The following ARHGAP8 variants were observed in gnomAD, a reference collection of about 807,000 sequenced individuals.
ARHGAP8 encodes the protein Rho GTPase activating protein 8.
ARHGAP8 carries 62 observed loss-of-function variants against 46.1 expected under a neutral mutation model. The observed-to-expected ratio is 1.34, with a 90% CI of 1.10 to 1.66. The LOEUF (loss-of-function observed/expected upper bound fraction) is 1.66, where lower values mean the gene tolerates loss of function less well. Among genes scored for constraint, ARHGAP8 ranks in the 40% most tolerant of loss-of-function variants. The pLI is 0.00. For missense variants in ARHGAP8, 923 were observed against 568.4 expected, an observed-to-expected ratio of 1.62 and a Z score of -6.34; for synonymous variants, 375 against 243.1, an observed-to-expected ratio of 1.54 and a Z score of -5.05.
chr22:44,759,871 C>T (rs1405916962), intron 1 of ARHGAP8, among the ~76,000 whole-genome samples: 1 of 152,220 alleles, frequency 6.6e-6, no homozygotes, highest in African/African-American at 2.4e-5. Flanking sequence ...GGAGGGTGTG[C>T]AGGTGAGAGT....
At chr22:44,854,723 C>A (rs762111728) in intron 10 of ARHGAP8, among the ~76,000 whole-genome samples, 6 of 152,206 alleles carry the variant, frequency 3.9e-5, no homozygotes, top group Admixed American at 1.3e-4. Flanking sequence ...ACTGCAACCT[C>A]TGGCTCCTGG....
intron 5 of ARHGAP8, among the ~76,000 whole-genome samples, chr22:44,817,442 T>G (rs536718725): frequency 2.1e-4 from 32 of 152,358 alleles, no homozygotes; most frequent in African/African-American, 7.5e-4. Flanking sequence ...CCAGCACCCT[T>G]GTGCCCTATG....
At chr22:44,798,373 ATGC>A (rs1466447446) in intron 2 of ARHGAP8, among the ~76,000 whole-genome samples, 2 of 152,008 alleles carry the variant, frequency 1.3e-5, no homozygotes, top group Admixed American at 6.6e-5. Context: ...GGCCCCCAAA[ATGC>A]TGCTGGGATT....
intron 7 of ARHGAP8, among the ~76,000 whole-genome samples, chr22:44,839,074 C>T (rs932623954): frequency 2.6e-5 from 4 of 152,050 alleles, no homozygotes; most frequent in Admixed American, 1.3e-4. Flanking sequence ...TCCTAAGGAA[C>T]CAGAGAGGAG....
At chr22:44,853,149 T>C (rs564178927) in intron 10 of ARHGAP8, among the ~76,000 whole-genome samples, 2 of 152,298 alleles carry the variant, frequency 1.3e-5, no homozygotes, top group Admixed American at 1.3e-4. Flanking sequence ...AGAAGATTCC[T>C]AGATGTTGGC....
intron 11 of ARHGAP8, among the ~76,000 whole-genome samples, chr22:44,861,568 G>T (rs2070486858): frequency 6.6e-6 from 1 of 152,178 alleles, no homozygotes; most frequent in African/African-American, 2.4e-5. Context: ...TCTCTGCTCT[G>T]CCCTGGTACT....
chr22:44,772,881 C>T (rs1926141835), intron 1 of ARHGAP8, among the ~76,000 whole-genome samples: 1 of 144,642 alleles, frequency 6.9e-6, no homozygotes, highest in Non-Finnish European at 1.5e-5. Flanking sequence ...TGCCGTGGTG[C>T]AATCATGTCT....
intron 1 of ARHGAP8, among the ~76,000 whole-genome samples, chr22:44,776,097 A>G (rs1202344512): frequency 6.6e-6 from 1 of 152,154 alleles, no homozygotes; most frequent in Non-Finnish European, 1.5e-5. Context: ...GGCACTTCCC[A>G]TCCCCTGAAG....
At chr22:44,784,547 A>G (rs754518845) in intron 1 of ARHGAP8, among the ~76,000 whole-genome samples, 1 of 152,208 alleles carries the variant, frequency 6.6e-6, no homozygotes, top group African/African-American at 2.4e-5. Flanking sequence ...GCCATTTTCT[A>G]TCAGGGATTT....
intron 2 of ARHGAP8, among the ~76,000 whole-genome samples, chr22:44,792,046 TC>T (rs1264645310): frequency 6.6e-6 from 1 of 151,612 alleles, no homozygotes; most frequent in African/African-American, 2.4e-5. Flanking sequence ...GGAGTCTTGC[TC>T]TGTTGCCCAG....
chr22:44,815,841 C>A (rs1929700049), intron 5 of ARHGAP8, among the ~76,000 whole-genome samples: 1 of 150,700 alleles, frequency 6.6e-6, no homozygotes, highest in Admixed American at 6.6e-5. Context: ...GTGCACAGAG[C>A]CACATGACGG....
chr22:44,844,537 A>T (rs546953823), intron 7 of ARHGAP8, among the ~76,000 whole-genome samples: 1 of 151,740 alleles, frequency 6.6e-6, no homozygotes, highest in African/African-American at 2.4e-5. Context: ...ATCTCAGCTC[A>T]CTGCAACCTC....
intron 7 of ARHGAP8, among the ~76,000 whole-genome samples, chr22:44,843,157 C>T (rs1201706847): frequency 6.6e-6 from 1 of 152,202 alleles, no homozygotes; most frequent in African/African-American, 2.4e-5. Flanking sequence ...AAGTGGGTAA[C>T]AGTAGCCTGC....
rs200471258 is a variant in ARHGAP8, at chr22:44,862,307, C to T, written c.1014C>T (p.Asn338=). The T allele has an allele frequency of 1.9e-6, 3 of 1,601,646 alleles. No homozygotes were observed. The highest frequency in any genetic ancestry group is 4.5e-5 in the East Asian group (2 of 44,524). ...GGGAGAGCATCTTCAACAAAATGAA[C>T]AGCTCTAACCTGGCCTGTGTCTTCG... ...VSRESIFNKM[N]SSNLACVFGL... is the part of the protein sequence containing the mutation. The change falls in exon 12 of 12, where the codon AAC becomes AAT. Residue 338 remains asparagine (N), a synonymous_variant. Coordinates refer to ENST00000356099, the MANE Select transcript of ARHGAP8 (RefSeq NM_181335.3).
In ARHGAP8 at chr22:44,825,524, C is replaced by G. The variant is rs74393756; in HGVS notation, c.527C>G (p.Pro176Arg). ...KLQSLHEGRT[P>R]PPTKTPPPRP... ...CAGAGCCTGCACGAGGGCCGGACGC[C>G]GCCTCCCACCAAGACACCACCGCCG... The change falls in exon 7 of 12, where the codon CCG becomes CGG. Residue 176 changes from proline (P) to arginine (R), a missense_variant. Coordinates refer to ENST00000356099, the MANE Select transcript of ARHGAP8 (RefSeq NM_181335.3). 6.2e-7 allele frequency: 1 copy of G among 1,613,320 alleles called. No homozygotes were observed. Among genetic ancestry groups the G allele is most frequent in the Admixed American group, 1.7e-5 (1 of 59,978 alleles).
At chr22:44,784,106 TA>T (rs553525704) in intron 1 of ARHGAP8, among the ~76,000 whole-genome samples, 3 of 150,752 alleles carry the variant, frequency 2.0e-5, no homozygotes, top group African/African-American at 2.4e-5. Flanking sequence ...AAATTAAAAA[TA>T]AAAAAAAAGT....
At chr22:44,779,261 T>G (rs527662324) in intron 1 of ARHGAP8, among the ~76,000 whole-genome samples, 1 of 151,744 alleles carries the variant, frequency 6.6e-6, no homozygotes, top group African/African-American at 2.4e-5. Context: ...CATCCACGCC[T>G]GGCTAATTTT....
chr22:44,768,335 T>A (rs1367800527), intron 1 of ARHGAP8, among the ~76,000 whole-genome samples: 1 of 151,776 alleles, frequency 6.6e-6, no homozygotes, highest in Non-Finnish European at 1.5e-5. Flanking sequence ...CGTCTCACTC[T>A]TTCACCCAGG....
chr22:44,806,065 G>C (rs2147087676), intron 3 of ARHGAP8, among the ~76,000 whole-genome samples: 1 of 152,332 alleles, frequency 6.6e-6, no homozygotes, highest in Admixed American at 6.5e-5. Flanking sequence ...AAGAGGAGCT[G>C]TGCAAAGACA....
Sources: gnomAD v4.1 joint callset for allele counts (sites outside exome capture counted in the v4.1 genomes callset) on GRCh38, gnomAD v4.1.1 for gene constraint, MANE v1.5 for transcripts, NCBI Gene and HGNC (gene_info 2026-07-23, HGNC 2026-07-21) for gene names.